SORT1: variants seen among roughly 807,000 people sequenced by gnomAD.
SORT1 encodes sortilin 1.
SORT1 carries 39 observed loss-of-function variants against 101.7 expected under a neutral mutation model. The observed-to-expected ratio is 0.38, with a 90% CI of 0.30 to 0.50. The LOEUF is 0.50. SORT1 is among the 20% of genes least tolerant of loss of function. The probability of loss-of-function intolerance (pLI) is 0.90; values close to 1 mark genes in which losing one functional copy is unlikely to be tolerated. For missense variants in SORT1, 878 were observed against 1,040.4 expected (o/e 0.84, Z 2.15); for synonymous variants, 396 against 393.7 (o/e 1.01, Z -0.07).
At chr1:109,360,058 C>T (rs1041098377) in intron 3 of SORT1, among the ~76,000 whole-genome samples, 1 of 152,114 alleles carries the variant, frequency 6.6e-6, no homozygotes, top group East Asian at 1.9e-4. Context: ...GTCTAAAATA[C>T]AGGCAAACTT....
intron 3 of SORT1, among the ~76,000 whole-genome samples, chr1:109,364,392 A>G (rs1454661629): frequency 2.0e-5 from 3 of 152,234 alleles, no homozygotes. Flanking sequence ...GTTGACATCC[A>G]TCAGAGTGGA....
intron 1 of SORT1, among the ~76,000 whole-genome samples, chr1:109,373,599 C>G (rs1232747381): frequency 2.6e-5 from 4 of 152,140 alleles, no homozygotes; most frequent in African/African-American, 9.7e-5. Flanking sequence ...AAACATTTAC[C>G]TCTGTGGTAA....
intron 1 of SORT1, among the ~76,000 whole-genome samples, chr1:109,395,463 C>T (rs1571001170): frequency 6.6e-6 from 1 of 151,980 alleles, no homozygotes; most frequent in Admixed American, 6.6e-5. Flanking sequence ...TCAAGTGATC[C>T]ACCTGCCTTG....
chr1:109,369,680 G>T, intron 1 of SORT1, 91 bp from the exon 2 acceptor site: 2 of 864,424 alleles, frequency 2.3e-6, no homozygotes, highest in Non-Finnish European at 3.9e-6. Flanking sequence ...TTACTGTTCA[G>T]AGTAATTAAG....
At chr1:109,332,076 T>C (rs569234014) in intron 11 of SORT1, among the ~76,000 whole-genome samples, 1 of 151,772 alleles carries the variant, frequency 6.6e-6, no homozygotes, top group African/African-American at 2.4e-5. Flanking sequence ...TGTTCCTGGA[T>C]TGGAATAATT....
chr1:109,335,085 A>G (rs547384839), intron 11 of SORT1, among the ~76,000 whole-genome samples: 1 of 152,290 alleles, frequency 6.6e-6, no homozygotes, highest in Admixed American at 6.5e-5. Flanking sequence ...GACAGGCCCA[A>G]CTTCCTCCAG....
chr1:109,344,845 T>C (rs1388488848), intron 8 of SORT1, among the ~76,000 whole-genome samples: 3 of 151,994 alleles, frequency 2.0e-5, no homozygotes, highest in African/African-American at 7.2e-5. Flanking sequence ...TACAGGCACA[T>C]GCCACCATGC....
At chr1:109,326,939 T>G in intron 13 of SORT1, 53 bp downstream of exon 13, 1 of 1,353,450 alleles carries the variant, frequency 7.4e-7, no homozygotes, top group Non-Finnish European at 1.0e-6. Flanking sequence ...TGAAGAACAT[T>G]CCCCCAGTTG....
chr1:109,339,430 T>C (rs532829179), intron 10 of SORT1, among the ~76,000 whole-genome samples: 5 of 152,288 alleles, frequency 3.3e-5, no homozygotes, highest in Admixed American at 1.3e-4. Context: ...CTGCCATCCA[T>C]AGGACTCAAT....
intron 8 of SORT1, among the ~76,000 whole-genome samples, chr1:109,345,302 C>T (rs1033905515): frequency 5.9e-5 from 9 of 152,008 alleles, no homozygotes; most frequent in Admixed American, 2.0e-4. Flanking sequence ...ATCACCTGAG[C>T]TCAGGAGTTC....
rs537949046 is a variant in SORT1 at position 109,381,028 on chromosome 1, G to A, written c.307-11439C>T. Reference sequence around the variant, plus strand: ...ACAAAATGTATCCAGTGAGGGCATAGGGACCAGAGCACCTTCTTCTACGGT... The same window carrying A: ...ACAAAATGTATCCAGTGAGGGCATAAGGACCAGAGCACCTTCTTCTACGGT... On this transcript the variant is annotated intron_variant, in intron 1 of 19. Transcript: ENST00000256637. Among the ~76,000 whole-genome samples the A allele has an allele frequency of 8.5e-5, 13 of 152,086 alleles. No homozygotes were observed. In the South Asian group the frequency reaches 2.7e-3, roughly 32 times the overall value.
chr1:109,345,997 T>TTAA, intron 7 of SORT1, 116 bp from the exon 8 acceptor site: 1 of 854,592 alleles, frequency 1.2e-6, no homozygotes, highest in Non-Finnish European at 1.8e-6. Flanking sequence ...ACTATGCATG[T>TTAA]TAATCAAGTG....
chr1:109,383,898 G>C (rs1323259375), intron 1 of SORT1, among the ~76,000 whole-genome samples: 2 of 152,132 alleles, frequency 1.3e-5, no homozygotes, highest in African/African-American at 4.8e-5. Flanking sequence ...ACAGAGGAGA[G>C]TACCAGGCTA....
intron 16 of SORT1, among the ~76,000 whole-genome samples, chr1:109,317,505 T>C (rs1341178112): frequency 6.6e-6 from 1 of 152,236 alleles, no homozygotes; most frequent in African/African-American, 2.4e-5. Context: ...AGACGAGCGA[T>C]GGACGTTCAT....
chr1:109,340,711 T>C lies in SORT1; in HGVS notation c.1264+13A>G. ...CTGAAGGCACAGTACACCACTGCGA[T>C]GCCGAGACTCACCTTCGGAGAGCAC... On this transcript the variant is annotated intron_variant, in intron 10 of 19. Coordinates refer to ENST00000256637, the MANE Select transcript of SORT1 (RefSeq NM_002959.7). 1 of 1,613,890 alleles carries C rather than the reference T, an allele frequency of 6.2e-7. No individual in the cohort carries two copies. The highest frequency in any genetic ancestry group is 1.7e-5 in the Admixed American group (1 of 59,996).
At chr1:109,337,851 C>G (rs1382997119) in intron 10 of SORT1, among the ~76,000 whole-genome samples, 2 of 152,114 alleles carry the variant, frequency 1.3e-5, no homozygotes, top group Non-Finnish European at 2.9e-5. Flanking sequence ...TTCTCCAACT[C>G]CTGACCTCAA....
chr1:109,389,157 G>A (rs1570992071), intron 1 of SORT1, among the ~76,000 whole-genome samples: 2 of 152,262 alleles, frequency 1.3e-5, no homozygotes, highest in Non-Finnish European at 2.9e-5. Flanking sequence ...GCCCTGTGGG[G>A]GCTGTGACAC....
At chr1:109,342,227 G>C (rs947710885) in intron 8 of SORT1, 69 bp from the exon 9 acceptor site, 16 of 1,215,058 alleles carry the variant, frequency 1.3e-5, no homozygotes, top group Non-Finnish European at 1.9e-5. Flanking sequence ...ACATGAACAA[G>C]AATGTTTTAA....
rs758376482 is a variant in SORT1 at position 109,347,500 on chromosome 1, T to C, written c.815A>G (p.Tyr272Cys). The C allele has an allele frequency of 6.2e-7, 1 of 1,610,472 alleles. No homozygotes were observed. The highest frequency in any genetic ancestry group is 8.5e-7 in the Non-Finnish European group (1 of 1,176,760). ...ATACTTACTGCAGGAGCCATTTGCA[T>C]AGGTTGTAAAGAAGATGGTGTTGTC... ...GSDNTIFFTT[Y>C]ANGSCKADLG... The change falls in exon 7 of 20, where the codon TAT becomes TGT. Residue 272 changes from tyrosine to cysteine, a missense_variant. Coordinates refer to ENST00000256637, the MANE Select transcript of SORT1 (RefSeq NM_002959.7).
Sources: gnomAD v4.1 joint callset for allele counts (sites outside exome capture counted in the v4.1 genomes callset) on GRCh38, gnomAD v4.1.1 for gene constraint, MANE v1.5 for transcripts, NCBI Gene and HGNC (gene_info 2026-07-23, HGNC 2026-07-21) for gene names.